Variants in PPM1E observed in about 807,000 individuals in gnomAD.
The protein encoded by PPM1E is protein phosphatase, Mg2+/Mn2+ dependent 1E, also known as protein phosphatase 1E.
Under a neutral mutation model 65.9 loss-of-function variants are expected in PPM1E, and 20 were observed. The observed-to-expected ratio is 0.30, with a 90% CI of 0.21 to 0.44. PPM1E has a LOEUF of 0.44. Ranked by LOEUF, PPM1E falls within the 20% of genes least tolerant of loss-of-function variation. The probability of loss-of-function intolerance (pLI) is 1.00; values close to 1 mark genes in which losing one functional copy is unlikely to be tolerated. For missense variants in PPM1E, 713 were observed against 953.1 expected, an observed-to-expected ratio of 0.75 and a Z score of 3.32; for synonymous variants, 352 against 374.9, an observed-to-expected ratio of 0.94 and a Z score of 0.70.
intron 3 of PPM1E, among the ~76,000 whole-genome samples, chr17:58,968,069 T>C (rs1270554013): frequency 6.6e-6 from 1 of 152,260 alleles, no homozygotes; most frequent in Non-Finnish European, 1.5e-5. Flanking sequence ...CTCAAAGTGC[T>C]GGAATTACAG....
At chr17:58,782,397 A>G (rs1399238867) in intron 1 of PPM1E, among the ~76,000 whole-genome samples, 1 of 149,374 alleles carries the variant, frequency 6.7e-6, no homozygotes, top group Non-Finnish European at 1.5e-5. Flanking sequence ...ATCTTAACTC[A>G]GGTTTTTGTT....
chr17:58,847,228 C>T (rs1313363830), intron 1 of PPM1E, among the ~76,000 whole-genome samples: 1 of 151,972 alleles, frequency 6.6e-6, no homozygotes, highest in Non-Finnish European at 1.5e-5. Flanking sequence ...GTTGCCTGTT[C>T]ACTCAGATGG....
At chr17:58,778,927 CATATATATATAT>C (rs59563297) in intron 1 of PPM1E, among the ~76,000 whole-genome samples, 44 of 103,706 alleles carry the variant, frequency 4.2e-4, no homozygotes, top group South Asian at 1.2e-3. Context: ...ATGATACATA[CATATATATATAT>C]ATATATATAT....
intron 1 of PPM1E, among the ~76,000 whole-genome samples, chr17:58,863,353 A>G (rs2050962754): frequency 6.6e-6 from 1 of 152,176 alleles, no homozygotes; most frequent in African/African-American, 2.4e-5. Context: ...GAGCAGTTGC[A>G]GGAGCCAGGG....
At chr17:58,758,707 AGTT>A (rs2049793813) in intron 1 of PPM1E, among the ~76,000 whole-genome samples, 1 of 152,174 alleles carries the variant, frequency 6.6e-6, no homozygotes, top group Admixed American at 6.5e-5. Flanking sequence ...TTTGTACAGA[AGTT>A]GTTAATGTAT....
intron 1 of PPM1E, among the ~76,000 whole-genome samples, chr17:58,869,031 A>G (rs1284301694): frequency 1.3e-5 from 2 of 152,146 alleles, no homozygotes; most frequent in African/African-American, 2.4e-5. Flanking sequence ...TTAGCCAGGC[A>G]TGGTGGCGTG....
intron 1 of PPM1E, among the ~76,000 whole-genome samples, chr17:58,872,587 A>G (rs2051083187): frequency 6.6e-6 from 1 of 152,204 alleles, no homozygotes; most frequent in South Asian, 2.1e-4. Context: ...ACAAAGTATG[A>G]TCTGATCACT....
At chr17:58,792,872 G>A (rs1006109348) in intron 1 of PPM1E, among the ~76,000 whole-genome samples, 3 of 143,006 alleles carry the variant, frequency 2.1e-5, no homozygotes, top group Non-Finnish European at 3.0e-5. Context: ...TCCTGCCTAA[G>A]CATCCTGAGT....
chr17:58,900,104 C>T (rs1567869060), intron 1 of PPM1E, among the ~76,000 whole-genome samples: 1 of 151,614 alleles, frequency 6.6e-6, no homozygotes, highest in Non-Finnish European at 1.5e-5. Context: ...ATGGAATCTA[C>T]TCATGGTGTA....
At chr17:58,929,719 A>T (rs904238337) in intron 1 of PPM1E, among the ~76,000 whole-genome samples, 2 of 152,332 alleles carry the variant, frequency 1.3e-5, no homozygotes, top group South Asian at 4.1e-4. Context: ...TCTCAGAAAC[A>T]ATTTTTTTCC....
chr17:58,816,889 A>G (rs972986507), intron 1 of PPM1E, among the ~76,000 whole-genome samples: 1 of 146,218 alleles, frequency 6.8e-6, no homozygotes, highest in African/African-American at 2.5e-5. Flanking sequence ...TCCACCTCCC[A>G]GGCCCGAGTG....
intron 1 of PPM1E, among the ~76,000 whole-genome samples, chr17:58,918,295 C>G (rs1324959970): frequency 6.6e-6 from 1 of 152,102 alleles, no homozygotes; most frequent in Non-Finnish European, 1.5e-5. Flanking sequence ...AAAAATAGTT[C>G]CTTCAGAAAC....
At chr17:58,890,004 C>T (rs1379513112) in intron 1 of PPM1E, among the ~76,000 whole-genome samples, 2 of 152,058 alleles carry the variant, frequency 1.3e-5, no homozygotes, top group African/African-American at 2.4e-5. Flanking sequence ...AGTAAATAAA[C>T]ACACAGTTGC....
At chr17:58,761,650 T>G (rs1410633882) in intron 1 of PPM1E, among the ~76,000 whole-genome samples, 1 of 152,180 alleles carries the variant, frequency 6.6e-6, no homozygotes, top group Non-Finnish European at 1.5e-5. Flanking sequence ...CAATCCAATT[T>G]CTTACCCGTT....
At chr17:58,838,502 A>G (rs2050685418) in intron 1 of PPM1E, among the ~76,000 whole-genome samples, 1 of 152,204 alleles carries the variant, frequency 6.6e-6, no homozygotes, top group African/African-American at 2.4e-5. Context: ...AGAATGGCTA[A>G]ATTTAAAAAC....
chr17:58,796,015 G>A (rs777770183), intron 1 of PPM1E, among the ~76,000 whole-genome samples: 4 of 152,112 alleles, frequency 2.6e-5, no homozygotes, highest in Non-Finnish European at 5.9e-5. Flanking sequence ...CTTTTGCTGT[G>A]AAGAAGCTCT....
intron 1 of PPM1E, among the ~76,000 whole-genome samples, chr17:58,817,828 T>G (rs966829384): frequency 1.3e-5 from 2 of 152,012 alleles, no homozygotes; most frequent in Non-Finnish European, 2.9e-5. Context: ...CTCCGCTCAC[T>G]GCAAGCTCCG....
intron 1 of PPM1E, among the ~76,000 whole-genome samples, chr17:58,846,009 A>G (rs1346332960): frequency 6.6e-6 from 1 of 152,150 alleles, no homozygotes; most frequent in Middle Eastern, 3.2e-3. Flanking sequence ...AAGGCTGAAT[A>G]ATATTCTGTT....
chr17:58,930,411 C>A (rs1314440514), intron 1 of PPM1E, among the ~76,000 whole-genome samples: 1 of 152,000 alleles, frequency 6.6e-6, no homozygotes, highest in Admixed American at 6.6e-5. Flanking sequence ...CTGTAGTGAT[C>A]TGTAATTGTA....
Sources: gnomAD v4.1 joint callset for allele counts (sites outside exome capture counted in the v4.1 genomes callset) on GRCh38, gnomAD v4.1.1 for gene constraint, MANE v1.5 for transcripts, NCBI Gene and HGNC (gene_info 2026-07-23, HGNC 2026-07-21) for gene names.